The following GLIS3 variants were observed in gnomAD, a reference collection of about 807,000 sequenced individuals.
The protein encoded by GLIS3 is GLIS family zinc finger 3.
A neutral mutation model predicts 78.6 loss-of-function variants in GLIS3; 53 were observed. That is an observed-to-expected ratio of 0.67 (90% CI 0.54 to 0.85). GLIS3 has a LOEUF of 0.85. GLIS3 is among the 40% of genes least tolerant of loss of function. The pLI is 0.00. For synonymous variants in GLIS3, 684 were observed against 509.9 expected (o/e 1.34, Z -4.60); for missense variants, 1,703 against 1,231.1 (o/e 1.38, Z -5.74).
At chr9:4,411,485 C>T in the GLIS3 span, among the ~76,000 whole-genome samples, 2 of 152,114 alleles carry the variant, frequency 1.3e-5, no homozygotes, top group Non-Finnish European at 2.9e-5. Context: ...GTAGTAAATG[C>T]TCACAGAAAA....
intron 4 of GLIS3, among the ~76,000 whole-genome samples, chr9:3,994,617 C>T (rs1820594846): frequency 1.3e-5 from 2 of 152,148 alleles, no homozygotes; most frequent in Non-Finnish European, 2.9e-5. Context: ...CATGGAATTT[C>T]TACATTACTG....
chr9:4,460,216 G>T, the GLIS3 span, among the ~76,000 whole-genome samples: 1 of 152,270 alleles, frequency 6.6e-6, no homozygotes, highest in South Asian at 2.1e-4. Flanking sequence ...TATAAATGTG[G>T]ATGGAGAAAG....
At chr9:4,459,594 T>G in the GLIS3 span, among the ~76,000 whole-genome samples, 1 of 152,106 alleles carries the variant, frequency 6.6e-6, no homozygotes, top group Non-Finnish European at 1.5e-5. Flanking sequence ...TGAGACCTCA[T>G]CACTAGAAAA....
At chr9:4,286,623 G>T in intron 1 of GLIS3, 100 bp from the exon 2 acceptor site, 1 of 651,716 alleles carries the variant, frequency 1.5e-6, no homozygotes, top group Non-Finnish European at 2.7e-6. Context: ...AAGAAAAGCA[G>T]CACTCTTAGC....
chr9:4,038,095 C>A (rs966938519), intron 4 of GLIS3, among the ~76,000 whole-genome samples: 2 of 152,152 alleles, frequency 1.3e-5, no homozygotes, highest in African/African-American at 4.8e-5. Flanking sequence ...TTCCTGTTCA[C>A]CTGGCTTGGA....
At chr9:4,189,779 G>T (rs575565212) in intron 2 of GLIS3, among the ~76,000 whole-genome samples, 1 of 151,980 alleles carries the variant, frequency 6.6e-6, no homozygotes, top group African/African-American at 2.4e-5. Context: ...GATCTTTGCT[G>T]GTTTAAAGTC....
chr9:4,461,701 G>A, the GLIS3 span, among the ~76,000 whole-genome samples: 1 of 152,102 alleles, frequency 6.6e-6, no homozygotes, highest in Non-Finnish European at 1.5e-5. Flanking sequence ...AAAGCCTTAA[G>A]AACTATCACA....
chr9:4,250,041 T>A lies in GLIS3; in HGVS notation c.388+35997A>T, dbSNP rs138321350. On this transcript the variant is annotated intron_variant, in intron 2 of 10. Coordinates refer to ENST00000381971, the MANE Select transcript of GLIS3 (RefSeq NM_001042413.2). ...TTTGCCAGTATTTTATTGAGGATCT[T>A]TGCATTGATGTTCATCAGGGATATT... Among the ~76,000 whole-genome samples, 133 of 152,338 alleles carry A rather than the reference T, an allele frequency of 8.7e-4. 1 individual carries two copies. The highest frequency in any genetic ancestry group is 1.6e-3 in the Non-Finnish European group (110 of 68,020).
At chr9:4,316,618 A>C (rs1310157080) in intron 2 of GLIS3, among the ~76,000 whole-genome samples, 1 of 152,094 alleles carries the variant, frequency 6.6e-6, no homozygotes, top group Non-Finnish European at 1.5e-5. Context: ...GTGAATCAGC[A>C]TGTCTAAATG....
At chr9:4,403,517 T>C in the GLIS3 span, among the ~76,000 whole-genome samples, 12 of 152,264 alleles carry the variant, frequency 7.9e-5, no homozygotes, top group East Asian at 3.9e-4. Context: ...TTTCAAGACA[T>C]AGACAGCACA....
At chr9:4,320,906 T>A (rs1255780683) in intron 2 of GLIS3, among the ~76,000 whole-genome samples, 4 of 151,658 alleles carry the variant, frequency 2.6e-5, no homozygotes, top group Admixed American at 6.5e-5. Context: ...TTTTTCAAAA[T>A]GCAAGTTTTG....
At chr9:3,897,073 C>T (rs10974063) in intron 7 of GLIS3, among the ~76,000 whole-genome samples, 9 of 151,942 alleles carry the variant, frequency 5.9e-5, no homozygotes, top group Non-Finnish European at 1.0e-4. Flanking sequence ...GTGACAGTTT[C>T]GAAAATGAGC....
chr9:4,143,545 C>G (rs909772511), intron 2 of GLIS3, among the ~76,000 whole-genome samples: 1 of 149,876 alleles, frequency 6.7e-6, no homozygotes, highest in Non-Finnish European at 1.5e-5. Context: ...CCAGCCTGGG[C>G]GACAGAGCAA....
chr9:4,042,347 C>A (rs954056989), intron 4 of GLIS3, among the ~76,000 whole-genome samples: 1 of 152,160 alleles, frequency 6.6e-6, no homozygotes, highest in Non-Finnish European at 1.5e-5. Flanking sequence ...TAACTGTCAG[C>A]CAAACATAGA....
At chr9:4,097,000 C>T (rs955918301) in intron 4 of GLIS3, among the ~76,000 whole-genome samples, 5 of 152,026 alleles carry the variant, frequency 3.3e-5, no homozygotes, top group Non-Finnish European at 5.9e-5. Context: ...CAACAGAGCA[C>T]GACTCTGTCT....
intron 4 of GLIS3, among the ~76,000 whole-genome samples, chr9:4,015,813 C>A (rs991520383): frequency 2.1e-5 from 3 of 145,704 alleles, no homozygotes; most frequent in Non-Finnish European, 3.0e-5. Flanking sequence ...TGCTTGAACC[C>A]AGAAGGCGGA....
chr9:4,275,659 A>T (rs1369017422), intron 2 of GLIS3, among the ~76,000 whole-genome samples: 1 of 151,422 alleles, frequency 6.6e-6, no homozygotes, highest in Non-Finnish European at 1.5e-5. Context: ...GCTACATGGG[A>T]GGCTGAGGTG....
At chr9:4,174,039 G>T (rs1405830289) in intron 2 of GLIS3, among the ~76,000 whole-genome samples, 1 of 152,002 alleles carries the variant, frequency 6.6e-6, no homozygotes, top group Non-Finnish European at 1.5e-5. Flanking sequence ...TTACTCTCAT[G>T]TTTCAATATA....
chr9:4,276,322 G>A (rs889703965), intron 2 of GLIS3, among the ~76,000 whole-genome samples: 2 of 128,958 alleles, frequency 1.6e-5, no homozygotes, highest in African/African-American at 5.8e-5. Context: ...TGGAGGGGAG[G>A]GGAGGGGAGG....
Sources: allele counts gnomAD v4.1 joint callset (sites outside exome capture counted in the v4.1 genomes callset), GRCh38; gene constraint gnomAD v4.1.1; transcripts MANE v1.5; gene names NCBI Gene and HGNC (gene_info 2026-07-23, HGNC 2026-07-21).